LDLRAD3: variants seen among roughly 807,000 people sequenced by gnomAD.
LDLRAD3 encodes the protein low density lipoprotein receptor class A domain containing 3, also known as low-density lipoprotein receptor class A domain-containing protein 3.
Under a neutral mutation model 29.4 loss-of-function variants are expected in LDLRAD3, and 20 were observed. The observed-to-expected ratio is 0.68, with a 90% CI of 0.48 to 0.99. The LOEUF (loss-of-function observed/expected upper bound fraction) is 0.99. Among genes scored for constraint, LDLRAD3 ranks in the 50% least tolerant of loss-of-function variants. The pLI is 0.00. For synonymous variants in LDLRAD3, 157 were observed against 192.7 expected (o/e 0.81, Z 1.53); for missense variants, 420 against 454.3 (o/e 0.92, Z 0.69).
intron 4 of LDLRAD3, among the ~76,000 whole-genome samples, chr11:36,149,665 G>A (rs1036157351): frequency 3.3e-5 from 5 of 152,198 alleles, no homozygotes; most frequent in African/African-American, 1.2e-4. Flanking sequence ...TCCCAGCGCT[G>A]TAGTGTCCTG....
At chr11:36,195,813 A>G (rs1436492969) in intron 4 of LDLRAD3, among the ~76,000 whole-genome samples, 2 of 152,198 alleles carry the variant, frequency 1.3e-5, no homozygotes, top group Admixed American at 1.3e-4. Flanking sequence ...AGCAGGAAAG[A>G]CAGGAGAGCC....
chr11:36,144,002 C>T (rs1033309997), intron 4 of LDLRAD3, among the ~76,000 whole-genome samples: 1 of 147,770 alleles, frequency 6.8e-6, no homozygotes, highest in Non-Finnish European at 1.5e-5. Flanking sequence ...TGTACTGCTG[C>T]CATCTCGGCT....
chr11:36,034,393 G>A (rs1852278026), intron 1 of LDLRAD3, among the ~76,000 whole-genome samples: 1 of 152,032 alleles, frequency 6.6e-6, no homozygotes, highest in South Asian at 2.1e-4. Flanking sequence ...GGAGAGTCGG[G>A]GACTGGCCAC....
intron 4 of LDLRAD3, among the ~76,000 whole-genome samples, chr11:36,115,411 G>A (rs991680704): frequency 2.0e-5 from 3 of 152,216 alleles, no homozygotes; most frequent in African/African-American, 4.8e-5. Context: ...TCTTGATAGA[G>A]AAGCTAATAG....
chr11:36,159,575 A>AT (rs1565267855), intron 4 of LDLRAD3, among the ~76,000 whole-genome samples: 1 of 148,014 alleles, frequency 6.8e-6, no homozygotes, highest in African/African-American at 2.5e-5. Flanking sequence ...CCTGGTCAAC[A>AT]TAGTAAAACA....
rs936412665 is a variant in LDLRAD3, at chr11:36,079,070, A to C, written c.194-2583A>C. Among the ~76,000 whole-genome samples, 12 of 152,186 alleles carry C rather than the reference A, an allele frequency of 7.9e-5. 1 individual carries two copies. Among genetic ancestry groups the C allele is most frequent in the Admixed American group, 6.5e-4 (10 of 15,290 alleles). On this transcript the variant is annotated intron_variant, in intron 2 of 5. Transcript: ENST00000315571. Reference sequence around the variant, plus strand: ...TTTGGCTCCCTCAGGGACGCAGGGCACAGGGGACCTACTGCCGCCACTGCT... The same window carrying C: ...TTTGGCTCCCTCAGGGACGCAGGGCCCAGGGGACCTACTGCCGCCACTGCT...
intron 4 of LDLRAD3, among the ~76,000 whole-genome samples, chr11:36,168,733 G>A (rs941403796): frequency 1.3e-5 from 2 of 152,084 alleles, no homozygotes; most frequent in Admixed American, 6.6e-5. Context: ...ACATTAGCCA[G>A]GGAGTATCGA....
intron 3 of LDLRAD3, among the ~76,000 whole-genome samples, chr11:36,091,887 G>A (rs1853287056): frequency 6.6e-6 from 1 of 152,184 alleles, no homozygotes; most frequent in South Asian, 2.1e-4. Context: ...TCCTGGACCA[G>A]GCCCCATGGG....
At chr11:36,001,767 G>A (rs968169839) in intron 1 of LDLRAD3, among the ~76,000 whole-genome samples, 13 of 72,216 alleles carry the variant, frequency 1.8e-4, no homozygotes, top group African/African-American at 5.1e-4. Context: ...ACGTGTGTGT[G>A]TGTGTGTGTG....
rs573639096 is a variant in LDLRAD3 at position 36,083,296 on chromosome 11, A to G, written c.319+1518A>G. 7.2e-5 allele frequency among the ~76,000 whole-genome samples: 11 copies of G among 152,192 alleles called. No individual in the cohort carries two copies. The East Asian group carries it at 1.9e-3, about 27-fold the overall frequency. On this transcript the variant is annotated intron_variant, in intron 3 of 5. Coordinates refer to ENST00000315571, the MANE Select transcript of LDLRAD3 (RefSeq NM_174902.4). Reference sequence around the variant, plus strand: ...ACGGAATAGTTTCACTGCCCTAAACATTTTCTGTGCTTGTCCTATTCATCC... The same window carrying G: ...ACGGAATAGTTTCACTGCCCTAAACGTTTTCTGTGCTTGTCCTATTCATCC...
At chr11:36,121,253 T>C (rs1786222020) in intron 4 of LDLRAD3, among the ~76,000 whole-genome samples, 1 of 151,852 alleles carries the variant, frequency 6.6e-6, no homozygotes, top group Non-Finnish European at 1.5e-5. Flanking sequence ...ATGAAATCCA[T>C]AGAAAGGGTT....
At chr11:36,128,937 A>T (rs7106469) in intron 4 of LDLRAD3, among the ~76,000 whole-genome samples, 1 of 151,828 alleles carries the variant, frequency 6.6e-6, no homozygotes, top group Non-Finnish European at 1.5e-5. Context: ...GTAGAGAGAC[A>T]CTGGCTGGGA....
intron 4 of LDLRAD3, among the ~76,000 whole-genome samples, chr11:36,224,852 G>T (rs1855478473): frequency 6.6e-6 from 1 of 152,204 alleles, no homozygotes. Context: ...GAAACATCTA[G>T]ATTCTAGTCC....
intron 4 of LDLRAD3, among the ~76,000 whole-genome samples, chr11:36,205,430 CTG>C (rs1855193261): frequency 6.6e-6 from 1 of 152,152 alleles, no homozygotes; most frequent in Admixed American, 6.5e-5. Flanking sequence ...TGATGAAGGG[CTG>C]TTGAAGGACT....
intron 4 of LDLRAD3, among the ~76,000 whole-genome samples, chr11:36,212,679 A>G (rs752349326): frequency 6.6e-6 from 1 of 152,122 alleles, no homozygotes; most frequent in Non-Finnish European, 1.5e-5. Context: ...TCCCTGGCTT[A>G]TCACTGGGCC....
chr11:35,991,867 T>TTG (rs33941156), intron 1 of LDLRAD3, among the ~76,000 whole-genome samples: 4,379 of 82,710 alleles, frequency 0.053, 68 homozygotes, highest in East Asian at 0.16. Context: ...GAATGGTTGT[T>TTG]TGTGTGTGTG....
intron 2 of LDLRAD3, among the ~76,000 whole-genome samples, chr11:36,039,074 A>G (rs1427961843): frequency 1.3e-5 from 2 of 149,706 alleles, no homozygotes; most frequent in Non-Finnish European, 3.0e-5. Context: ...GGTTCACGCC[A>G]TTCTCTCGCC....
At chr11:36,113,998 A>C (rs1008452674) in intron 4 of LDLRAD3, among the ~76,000 whole-genome samples, 2 of 152,198 alleles carry the variant, frequency 1.3e-5, no homozygotes, top group Non-Finnish European at 2.9e-5. Context: ...TCTATTGATC[A>C]AAATAGTCAG....
rs187905108 is a variant in LDLRAD3 at position 36,184,370 on chromosome 11, G to T, written c.455-42715G>T. On this transcript the variant is annotated intron_variant, in intron 4 of 5. Coordinates refer to ENST00000315571, the MANE Select transcript of LDLRAD3 (RefSeq NM_174902.4). ...ATATGTTCATGAAATTTAGTAATAT[G>T]TTTATGATTAGGTCTGATAATTTTA... Among the ~76,000 whole-genome samples the T allele has an allele frequency of 2.0e-3, 297 of 152,250 alleles. 2 individuals carry two copies. Among genetic ancestry groups the T allele is most frequent in the Non-Finnish European group, 2.7e-3 (185 of 68,022 alleles).
Sources: allele counts gnomAD v4.1 joint callset (sites outside exome capture counted in the v4.1 genomes callset), GRCh38; gene constraint gnomAD v4.1.1; transcripts MANE v1.5; gene names NCBI Gene and HGNC (gene_info 2026-07-23, HGNC 2026-07-21).